CHLSN: variants seen among roughly 807,000 people sequenced by gnomAD.
The protein encoded by CHLSN is protein cholesin.
chr7:1,105,286 C>A, the CHLSN span, among the ~76,000 whole-genome samples: 1 of 152,204 alleles, frequency 6.6e-6, no homozygotes, highest in African/African-American at 2.4e-5. Flanking sequence ...AAGAAGACAA[C>A]AGCCCCAGAA....
the CHLSN span, among the ~76,000 whole-genome samples, chr7:1,072,016 A>C: frequency 6.6e-6 from 1 of 152,204 alleles, no homozygotes; most frequent in Non-Finnish European, 1.5e-5. Context: ...ACAGTCACCC[A>C]GCCACACAGG....
the CHLSN span, among the ~76,000 whole-genome samples, chr7:1,098,969 T>C: frequency 6.6e-6 from 1 of 152,262 alleles, no homozygotes; most frequent in Non-Finnish European, 1.5e-5. Flanking sequence ...AAGAGTGGAT[T>C]TCTGCTATGT....
chr7:1,126,867 G>A, the CHLSN span, among the ~76,000 whole-genome samples: 2 of 152,128 alleles, frequency 1.3e-5, no homozygotes, highest in South Asian at 4.1e-4. Context: ...TTCTAGATGT[G>A]CATTTTTAAA....
At chr7:1,115,656 C>T in the CHLSN span, among the ~76,000 whole-genome samples, 1 of 119,238 alleles carries the variant, frequency 8.4e-6, no homozygotes, top group African/African-American at 3.2e-5. Context: ...GACATCACTA[C>T]AGCTCTAGGA....
chr7:1,079,995 C>G, the CHLSN span, among the ~76,000 whole-genome samples: 2 of 152,216 alleles, frequency 1.3e-5, no homozygotes, highest in African/African-American at 4.8e-5. Flanking sequence ...CCCACAAGCC[C>G]CTGGCTCTTG....
At chr7:1,094,533 G>C in the CHLSN span, among the ~76,000 whole-genome samples, 1 of 152,360 alleles carries the variant, frequency 6.6e-6, no homozygotes, top group South Asian at 2.1e-4. Flanking sequence ...GGGTGAACGG[G>C]TGCGGCACAA....
At chr7:1,051,643 A>C in the CHLSN span, among the ~76,000 whole-genome samples, 1 of 152,232 alleles carries the variant, frequency 6.6e-6, no homozygotes, top group Non-Finnish European at 1.5e-5. Flanking sequence ...GACGGGCAGT[A>C]GGTGCAAGGC....
chr7:1,016,639 C>T, the CHLSN span, among the ~76,000 whole-genome samples: 1 of 90,490 alleles, frequency 1.1e-5, no homozygotes, highest in Non-Finnish European at 2.3e-5. Flanking sequence ...TAGCGCACGC[C>T]AGCGCACAGC....
the CHLSN span, among the ~76,000 whole-genome samples, chr7:1,070,278 C>T: frequency 2.1e-5 from 3 of 145,102 alleles, no homozygotes; most frequent in South Asian, 6.7e-4. Context: ...GCCCCCCGCC[C>T]GGCCAGCCGC....
the CHLSN span, among the ~76,000 whole-genome samples, chr7:1,038,638 C>T: frequency 8.9e-6 from 1 of 111,736 alleles, no homozygotes; most frequent in Non-Finnish European, 1.9e-5. Flanking sequence ...CGGCCAGCCG[C>T]CCCGTCCGGG....
the CHLSN span, among the ~76,000 whole-genome samples, chr7:1,100,436 G>A: frequency 1.2e-4 from 18 of 152,352 alleles, no homozygotes; most frequent in South Asian, 2.1e-4. Flanking sequence ...GCACAGACCC[G>A]GGACAGGTCT....
the CHLSN span, among the ~76,000 whole-genome samples, chr7:1,068,627 G>A: frequency 2.0e-5 from 3 of 151,996 alleles, no homozygotes; most frequent in Non-Finnish European, 2.9e-5. Context: ...CCTGCTTGTC[G>A]GCCTCCCCAT....
the CHLSN span, among the ~76,000 whole-genome samples, chr7:1,132,450 T>C: frequency 1.1e-3 from 160 of 152,170 alleles, 1 homozygote; most frequent in African/African-American, 3.8e-3. Context: ...CCCAGCACTT[T>C]GGGAGGATGA....
At chr7:1,110,061 G>C in the CHLSN span, among the ~76,000 whole-genome samples, 4 of 151,890 alleles carry the variant, frequency 2.6e-5, no homozygotes, top group African/African-American at 7.3e-5. Context: ...GCCCAGACAC[G>C]GAGGCTACGC....
the CHLSN span, among the ~76,000 whole-genome samples, chr7:1,085,678 TAAA>T: frequency 7.7e-6 from 1 of 129,320 alleles, no homozygotes; most frequent in East Asian, 2.2e-4. Context: ...ACAAAAAAAT[TAAA>T]AAAAAAAAAA....
chr7:980,034 G>T, the CHLSN span, among the ~76,000 whole-genome samples: 33 of 152,336 alleles, frequency 2.2e-4, no homozygotes, highest in Non-Finnish European at 4.4e-5. Flanking sequence ...TGTCACAAAG[G>T]GGGAAGACCA....
the CHLSN span, among the ~76,000 whole-genome samples, chr7:1,061,797 G>T: frequency 4.8e-5 from 7 of 145,744 alleles, no homozygotes; most frequent in Admixed American, 4.7e-4. Flanking sequence ...CTTCCAGGCA[G>T]CCATCTCCCC....
the CHLSN span, chr7:1,092,768 C>T: frequency 4.3e-6 from 7 of 1,613,558 alleles, no homozygotes; most frequent in Non-Finnish European, 5.9e-6. Context: ...AATTTGCCGG[C>T]CCTGAACCGC....
At chr7:1,121,932 C>T in the CHLSN span, among the ~76,000 whole-genome samples, 1 of 152,138 alleles carries the variant, frequency 6.6e-6, no homozygotes, top group African/African-American at 2.4e-5. Flanking sequence ...CTGCACCCAC[C>T]CACTGCACTC....
Sources: gnomAD v4.1 joint callset for allele counts (sites outside exome capture counted in the v4.1 genomes callset) on GRCh38, gnomAD v4.1.1 for gene constraint, MANE v1.5 for transcripts, NCBI Gene and HGNC (gene_info 2026-07-23, HGNC 2026-07-21) for gene names.